FOXP2: variants seen among roughly 807,000 people sequenced by gnomAD.
The protein encoded by FOXP2 is forkhead box protein P2.
Under a neutral mutation model 115.8 loss-of-function variants are expected in FOXP2, and 12 were observed. The observed-to-expected ratio is 0.10, with a 90% CI of 0.07 to 0.17. The LOEUF (loss-of-function observed/expected upper bound fraction) is 0.17. FOXP2 is among the 10% of genes least tolerant of loss of function. FOXP2 has a pLI of 1.00. For missense variants in FOXP2, 629 were observed against 843.5 expected (o/e 0.75, Z 3.15); for synonymous variants, 328 against 297.7 (o/e 1.10, Z -1.05).
At chr7:114,668,207 C>T (rs1033950569) in intron 16 of FOXP2, 12 of 151,904 alleles carry the variant, frequency 7.9e-5, no homozygotes, top group African/African-American at 2.4e-4. Context: ...TAAAATTCTA[C>T]GTGGTAGAAT....
Position 114,634,870 on chromosome 7 carries a change from C to G in FOXP2, c.775+3165C>G, listed in dbSNP as rs10269810. ...GACATCCGATAAACGTTTGTGTACT[C>G]TAATCCACAATATATTCACACATTT... On this transcript the variant is annotated intron_variant, in intron 6 of 16. Transcript: ENST00000350908. 5.1e-3 allele frequency among the ~76,000 whole-genome samples: 773 copies of G among 152,152 alleles called. 7 individuals carry two copies. Among genetic ancestry groups the G allele is most frequent in the African/African-American group, 0.017 (712 of 41,522 alleles).
chr7:114,384,327 T>G (rs2129192574), intron 2 of FOXP2, among the ~76,000 whole-genome samples: 1 of 152,338 alleles, frequency 6.6e-6, no homozygotes, highest in South Asian at 2.1e-4. Flanking sequence ...ACAACAGTTC[T>G]TATGCAAATT....
chr7:114,194,799 C>A (rs1470555505), intron 1 of FOXP2, among the ~76,000 whole-genome samples: 1 of 151,970 alleles, frequency 6.6e-6, no homozygotes, highest in Non-Finnish European at 1.5e-5. Context: ...AGCTAGACAA[C>A]AACTAATTTT....
chr7:114,528,848 GT>G (rs1359244630), intron 2 of FOXP2, among the ~76,000 whole-genome samples: 1 of 151,546 alleles, frequency 6.6e-6, no homozygotes, highest in Non-Finnish European at 1.5e-5. Context: ...ATAATAAAAT[GT>G]TTTATAGCAG....
At chr7:114,527,820 G>T (rs1229142088) in intron 2 of FOXP2, among the ~76,000 whole-genome samples, 1 of 151,988 alleles carries the variant, frequency 6.6e-6, no homozygotes, top group Non-Finnish European at 1.5e-5. Flanking sequence ...CATTTACTAA[G>T]TTGTGCCAGC....
intron 1 of FOXP2, among the ~76,000 whole-genome samples, chr7:114,274,898 G>T (rs190012482): frequency 7.8e-4 from 119 of 151,674 alleles, no homozygotes; most frequent in African/African-American, 2.8e-3. Context: ...CAAGCAATCC[G>T]CTCACCTCAG....
chr7:114,142,009 G>T (rs1792225319), intron 1 of FOXP2, among the ~76,000 whole-genome samples: 1 of 151,492 alleles, frequency 6.6e-6, no homozygotes. Flanking sequence ...ACAATTTTTA[G>T]AAATGTTTTA....
intron 1 of FOXP2, among the ~76,000 whole-genome samples, chr7:114,152,673 G>A (rs569557489): frequency 6.6e-6 from 1 of 152,262 alleles, no homozygotes; most frequent in East Asian, 1.9e-4. Flanking sequence ...AAGGGAGGTT[G>A]CTTCTGTTTG....
At chr7:114,377,471 T>C (rs998104573) in intron 2 of FOXP2, among the ~76,000 whole-genome samples, 2 of 152,178 alleles carry the variant, frequency 1.3e-5, no homozygotes, top group Middle Eastern at 3.2e-3. Context: ...CATCTACCCA[T>C]TGGGGGCATA....
chr7:114,371,326 T>A (rs1403975297), intron 2 of FOXP2, among the ~76,000 whole-genome samples: 3 of 151,618 alleles, frequency 2.0e-5, no homozygotes, highest in African/African-American at 7.3e-5. Flanking sequence ...GCTCAAGTGA[T>A]CCTCCTGCCT....
intron 2 of FOXP2, among the ~76,000 whole-genome samples, chr7:114,502,761 ATTC>A (rs1176365167): frequency 6.6e-6 from 1 of 152,048 alleles, no homozygotes; most frequent in African/African-American, 2.4e-5. Flanking sequence ...AAATGACTGA[ATTC>A]ATCACCAATT....
chr7:114,094,530 T>C (rs571289429), intron 1 of FOXP2, among the ~76,000 whole-genome samples: 2 of 152,336 alleles, frequency 1.3e-5, no homozygotes, highest in South Asian at 4.1e-4. Context: ...CATTTTTCTC[T>C]TTCCTTTTTC....
chr7:114,501,715 C>G (rs1190779958), intron 2 of FOXP2, among the ~76,000 whole-genome samples: 4 of 152,070 alleles, frequency 2.6e-5, no homozygotes, highest in Non-Finnish European at 4.4e-5. Context: ...TTTATCTTAA[C>G]TATATTTTCC....
chr7:114,430,371 C>T (rs1477279394), intron 2 of FOXP2, among the ~76,000 whole-genome samples: 1 of 151,558 alleles, frequency 6.6e-6, no homozygotes, highest in Non-Finnish European at 1.5e-5. Flanking sequence ...TAAAGTCTTA[C>T]CAAGTGCACC....
chr7:114,270,704 C>T (rs1361149712), intron 1 of FOXP2, among the ~76,000 whole-genome samples: 4 of 151,934 alleles, frequency 2.6e-5, no homozygotes, highest in African/African-American at 4.8e-5. Flanking sequence ...TGTATTTTTG[C>T]TTAACAGTCC....
At chr7:114,516,381 C>T (rs1243625817) in intron 2 of FOXP2, among the ~76,000 whole-genome samples, 1 of 152,048 alleles carries the variant, frequency 6.6e-6, no homozygotes, top group Non-Finnish European at 1.5e-5. Flanking sequence ...AACTGGATCC[C>T]TTCCTTACAC....
At chr7:114,201,219 C>T (rs1242908805) in intron 1 of FOXP2, among the ~76,000 whole-genome samples, 2 of 152,090 alleles carry the variant, frequency 1.3e-5, no homozygotes, top group African/African-American at 4.8e-5. Context: ...ACCTGTAATC[C>T]CAACACTTTG....
chr7:114,383,137 G>T (rs1792350255), intron 2 of FOXP2, among the ~76,000 whole-genome samples: 1 of 152,162 alleles, frequency 6.6e-6, no homozygotes, highest in East Asian at 1.9e-4. Context: ...TTTGGGGTTA[G>T]TGTCTGATTT....
intron 16 of FOXP2, chr7:114,665,014 A>G (rs1807088177): frequency 6.5e-6 from 1 of 153,312 alleles, no homozygotes; most frequent in African/African-American, 2.4e-5. Flanking sequence ...GTTATATTTT[A>G]TGCAAGACTA....
Sources: gnomAD v4.1 joint callset for allele counts (sites outside exome capture counted in the v4.1 genomes callset) on GRCh38, gnomAD v4.1.1 for gene constraint, MANE v1.5 for transcripts, NCBI Gene and HGNC (gene_info 2026-07-23, HGNC 2026-07-21) for gene names.